The following PTPRT variants were observed in gnomAD, a reference collection of about 807,000 sequenced individuals.
The protein encoded by PTPRT is receptor-type tyrosine-protein phosphatase T.
A neutral mutation model predicts 176.8 loss-of-function variants in PTPRT; 56 were observed. The observed-to-expected ratio is 0.32, with a 90% confidence interval of 0.26 to 0.40. The LOEUF (loss-of-function observed/expected upper bound fraction) is 0.40. Ranked by LOEUF, PTPRT falls within the 10% of genes least tolerant of loss-of-function variation. PTPRT has a pLI of 1.00. For missense variants in PTPRT, 1,540 were observed against 1,908.2 expected (o/e 0.81, Z 3.60); for synonymous variants, 783 against 739.0 (o/e 1.06, Z -0.96).
At chr20:43,019,795 C>A (rs905874605) in intron 1 of PTPRT, among the ~76,000 whole-genome samples, 2 of 151,746 alleles carry the variant, frequency 1.3e-5, no homozygotes, top group African/African-American at 4.8e-5. Context: ...GGAAGAGTGA[C>A]GTCTCTGGGT....
chr20:42,143,419 T>C (rs962489467), intron 17 of PTPRT, among the ~76,000 whole-genome samples: 14 of 152,038 alleles, frequency 9.2e-5, no homozygotes, highest in African/African-American at 2.7e-4. Flanking sequence ...TAGCCGGGCA[T>C]GGTGGCAGGT....
chr20:42,356,633 TAGC>T (rs1353308435), intron 9 of PTPRT, among the ~76,000 whole-genome samples: 1 of 151,804 alleles, frequency 6.6e-6, no homozygotes, highest in South Asian at 2.1e-4. Flanking sequence ...GAGGTGGAGG[TAGC>T]AGTGAGCAGA....
At chr20:42,284,173 A>G (rs906807475) in intron 12 of PTPRT, among the ~76,000 whole-genome samples, 2 of 152,118 alleles carry the variant, frequency 1.3e-5, no homozygotes, top group East Asian at 3.9e-4. Flanking sequence ...AGCAGTCTAT[A>G]CATGCTCTTA....
intron 17 of PTPRT, among the ~76,000 whole-genome samples, chr20:42,143,629 G>T (rs1988732200): frequency 6.6e-6 from 1 of 152,110 alleles, no homozygotes; most frequent in African/African-American, 2.4e-5. Flanking sequence ...TTAGACCGTG[G>T]TGGTGGACAT....
At chr20:43,083,573 G>T (rs1248084258) in intron 1 of PTPRT, among the ~76,000 whole-genome samples, 1 of 151,362 alleles carries the variant, frequency 6.6e-6, no homozygotes, top group Admixed American at 6.6e-5. Flanking sequence ...TCGGCAGGCT[G>T]GTCTCAAACT....
At chr20:42,994,041 C>A (rs1046990457) in intron 1 of PTPRT, among the ~76,000 whole-genome samples, 1 of 152,080 alleles carries the variant, frequency 6.6e-6, no homozygotes, top group East Asian at 1.9e-4. Context: ...TAGTAGAAAA[C>A]TTTTGGGATG....
chr20:42,804,677 T>C (rs2077579275), intron 2 of PTPRT, among the ~76,000 whole-genome samples: 1 of 152,124 alleles, frequency 6.6e-6, no homozygotes, highest in Admixed American at 6.5e-5. Flanking sequence ...GTCAGCAGGG[T>C]TGGTTCTTTC....
chr20:42,264,885 T>C (rs984835104), intron 13 of PTPRT, among the ~76,000 whole-genome samples: 1 of 152,196 alleles, frequency 6.6e-6, no homozygotes, highest in African/African-American at 2.4e-5. Flanking sequence ...CACTCACGTT[T>C]CTCAGAAACC....
At chr20:42,325,015 G>A (rs2057861660) in intron 11 of PTPRT, among the ~76,000 whole-genome samples, 1 of 152,154 alleles carries the variant, frequency 6.6e-6, no homozygotes. Flanking sequence ...GGTGATGATA[G>A]CTCAATAAAG....
chr20:43,139,294 T>C (rs1007606563), intron 1 of PTPRT, among the ~76,000 whole-genome samples: 2 of 152,232 alleles, frequency 1.3e-5, no homozygotes, highest in Admixed American at 1.3e-4. Flanking sequence ...TGTTTTCGCT[T>C]ACATGGAACC....
At chr20:42,452,069 G>C (rs2070840625) in intron 8 of PTPRT, among the ~76,000 whole-genome samples, 1 of 152,122 alleles carries the variant, frequency 6.6e-6, no homozygotes. Flanking sequence ...AAGAGATTGA[G>C]ACCATCCTGG....
At chr20:42,499,344 T>A (rs1464695743) in intron 7 of PTPRT, among the ~76,000 whole-genome samples, 2 of 151,730 alleles carry the variant, frequency 1.3e-5, no homozygotes, top group East Asian at 3.9e-4. Context: ...CAGGCTGAAG[T>A]GCAATGGCAC....
At chr20:43,129,050 C>T (rs559121723) in intron 1 of PTPRT, among the ~76,000 whole-genome samples, 1 of 152,266 alleles carries the variant, frequency 6.6e-6, no homozygotes, top group South Asian at 2.1e-4. Flanking sequence ...GCATGAGGGT[C>T]CTGCTTGTTT....
At chr20:42,630,843 T>C (rs1048400829) in intron 7 of PTPRT, among the ~76,000 whole-genome samples, 58 of 152,112 alleles carry the variant, frequency 3.8e-4, no homozygotes, top group African/African-American at 1.3e-3. Flanking sequence ...CTTGGATAAG[T>C]ATCAATAACC....
At chr20:42,770,915 T>C (rs2077053150) in intron 5 of PTPRT, among the ~76,000 whole-genome samples, 1 of 152,230 alleles carries the variant, frequency 6.6e-6, no homozygotes, top group African/African-American at 2.4e-5. Context: ...ACTAGCAGAA[T>C]CGTAGTTAAG....
rs548744987 is a variant in PTPRT at position 42,862,583 on chromosome 20, A to G, written c.214+23224T>C. On this transcript the variant is annotated intron_variant, in intron 2 of 30. Coordinates refer to ENST00000373187, the MANE Select transcript of PTPRT (RefSeq NM_007050.6). ...GCTGCTTTCTTAATTCAGAAAGATC[A>G]CATCACACCATATGCCAGAGAGTGG... 2.6e-4 allele frequency among the ~76,000 whole-genome samples: 39 copies of G among 152,304 alleles called. 2 individuals are homozygous for G. The highest frequency in any genetic ancestry group is 5.2e-4 in the Admixed American group (8 of 15,298).
chr20:42,190,846 C>T (rs1322532010), intron 16 of PTPRT, among the ~76,000 whole-genome samples: 1 of 152,136 alleles, frequency 6.6e-6, no homozygotes, highest in African/African-American at 2.4e-5. Context: ...TAGTCTTGGA[C>T]TAAGGGCCTC....
At chr20:42,618,379 A>G (rs1476959802) in intron 7 of PTPRT, among the ~76,000 whole-genome samples, 1 of 135,252 alleles carries the variant, frequency 7.4e-6, no homozygotes, top group African/African-American at 3.3e-5. Context: ...TCAATTTTGG[A>G]ATAGGTGTGT....
intron 5 of PTPRT, among the ~76,000 whole-genome samples, chr20:42,763,529 G>A (rs2076944597): frequency 6.6e-6 from 1 of 152,162 alleles, no homozygotes; most frequent in African/African-American, 2.4e-5. Flanking sequence ...AGCATTTCCA[G>A]CTGTCATTTG....
Sources: allele counts gnomAD v4.1 joint callset (sites outside exome capture counted in the v4.1 genomes callset), GRCh38; gene constraint gnomAD v4.1.1; transcripts MANE v1.5; gene names NCBI Gene and HGNC (gene_info 2026-07-23, HGNC 2026-07-21).